Variants in CEBPZ observed in about 807,000 individuals in gnomAD.
CEBPZ encodes CCAAT enhancer binding protein zeta, also known as CCAAT/enhancer-binding protein zeta.
Under a neutral mutation model 104.5 loss-of-function variants are expected in CEBPZ, and 78 were observed. That is an observed-to-expected ratio of 0.75 (90% CI 0.62 to 0.90). CEBPZ has a LOEUF of 0.90. Ranked by LOEUF, CEBPZ falls within the 40% of genes least tolerant of loss-of-function variation. The pLI, the probability that CEBPZ is intolerant of heterozygous loss-of-function variation, is 0.00. For synonymous variants in CEBPZ, 470 were observed against 427.0 expected, an observed-to-expected ratio of 1.10 and a Z score of -1.24; for missense variants, 1,439 against 1,233.5, an observed-to-expected ratio of 1.17 and a Z score of -2.50.
At chr2:37,203,944 A>G (rs1489934757) in intron 13 of CEBPZ, 2 of 152,176 alleles carry the variant, frequency 1.3e-5, no homozygotes, top group Non-Finnish European at 2.9e-5. Context: ...GTTAATGGAC[A>G]TTTAGGTTTT....
At chr2:37,217,659 T>C (rs1664649139) in intron 5 of CEBPZ, among the ~76,000 whole-genome samples, 2 of 151,904 alleles carry the variant, frequency 1.3e-5, no homozygotes, top group Admixed American at 1.3e-4. Context: ...TCCCAGCACC[T>C]TGGGAGGCTG....
chr2:37,202,987 T>A lies in CEBPZ; in HGVS notation c.2906A>T (p.Asn969Ile). 6.4e-7 allele frequency: 1 copy of A among 1,553,578 alleles called. No homozygotes were observed. Among genetic ancestry groups the A allele is most frequent in the Non-Finnish European group, 8.7e-7 (1 of 1,153,690 alleles). The change falls in exon 14 of 16, where the codon AAC becomes ATC. Residue 969 changes from asparagine (N) to isoleucine (I), a missense_variant. Asn to Ile is a moderately radical substitution (Grantham distance 149). Transcript: ENST00000234170. ...SFQGPRKKKR[N>I]LNDSSLFVSA... is the part of the protein sequence containing the mutation. ...TACAAATAGGCTGGAATCATTTAAG[T>A]TTCTTTTCTTTTTTCTTGGCCCTAA...
chr2:37,201,687 A>C lies in CEBPZ; in HGVS notation c.*77T>G, dbSNP rs1677244418. ...AAGTCTGGAATGTATGGAATCAGAG[A>C]GCTAGATCAAAAAACATGGTTGAAC... On this transcript the variant is annotated 3_prime_UTR_variant, in exon 16 of 16. Transcript: ENST00000234170. 1.2e-6 allele frequency: 1 copy of C among 866,554 alleles called. No individual in the cohort carries two copies. The highest frequency in any genetic ancestry group is 1.9e-6 in the Non-Finnish European group (1 of 521,150). The allele number at this position is 866,554 out of a possible 1,614,324, so 53.7% of individuals were successfully genotyped here. A position where few individuals can be genotyped will look rare whatever the true frequency, so the allele number is the denominator to read the frequency against.
chr2:37,212,784 C>CGAG (rs1163486699), intron 10 of CEBPZ: 1 of 155,696 alleles, frequency 6.4e-6, no homozygotes, highest in African/African-American at 2.5e-5. Flanking sequence ...TTTGGGAGGC[C>CGAG]GAGGTGGAGT....
At position 37,228,642 on chromosome 2, in the gene CEBPZ, T is replaced by C. The variant is rs762994435; in HGVS notation, c.551A>G (p.Tyr184Cys). The change falls in exon 2 of 16, where the codon TAT becomes TGT. Residue 184 changes from tyrosine to cysteine, a missense_variant. Tyr to Cys is a radical substitution (Grantham distance 194). Transcript: ENST00000234170. ...ATATTCATTGCTGTACTCCAGATCA[T>C]ACCATTTGCCTCCAGGCCTAAGTAA... Reference protein sequence around the residue: ...TLLLRPGGKWYDLEYSNEYSL... With the variant: ...TLLLRPGGKWCDLEYSNEYSL... 2 of 1,614,208 alleles carry C rather than the reference T, an allele frequency of 1.2e-6. No homozygotes were observed. Among genetic ancestry groups the C allele is most frequent in the Non-Finnish European group, 1.7e-6 (2 of 1,180,036 alleles).
In CEBPZ at chr2:37,227,647, G is replaced by T; in HGVS notation, c.1546C>A (p.His516Asn). The stretch of plus-strand genomic sequence containing the variant: ...ACACTGGTATTAAAATTCACAATAT[G>T]CAACACTTTAAACAGTGTGTCAATC... ...EQIDTLFKVL[H>N]IVNFNTSVQA... The change falls in exon 2 of 16, where the codon CAT becomes AAT. Residue 516 changes from histidine (H) to asparagine (N), a missense_variant. His to Asn is a moderately conservative substitution (Grantham distance 68, BLOSUM62 1). Transcript: ENST00000234170. 6.2e-7 allele frequency: 1 copy of T among 1,614,178 alleles called. No individual in the cohort carries two copies. Among genetic ancestry groups the T allele is most frequent in the Non-Finnish European group, 8.5e-7 (1 of 1,180,016 alleles).
At chr2:37,207,464 A>G (rs546542997) in intron 13 of CEBPZ, among the ~76,000 whole-genome samples, 1 of 152,350 alleles carries the variant, frequency 6.6e-6, no homozygotes, top group South Asian at 2.1e-4. Context: ...CTCTCACACC[A>G]CAGTGGAATA....
rs1007342137 is a variant in CEBPZ, at chr2:37,220,934, T to C, written c.2066-461A>G. Among the ~76,000 whole-genome samples, 4 of 145,384 alleles carry C rather than the reference T, an allele frequency of 2.8e-5. No homozygotes were observed. In the South Asian group the frequency reaches 8.9e-4, roughly 32 times the overall value. Reference sequence around the variant, plus strand: ...ATCACTTGAGCCCAGGAGATGGGAGTTGCAGTGAACCAAGATCGTGCCATT... The same window carrying C: ...ATCACTTGAGCCCAGGAGATGGGAGCTGCAGTGAACCAAGATCGTGCCATT... On this transcript the variant is annotated intron_variant, in intron 4 of 15. Transcript: ENST00000234170.
At chr2:37,212,755 A>T (rs1677763429) in intron 10 of CEBPZ, 1 of 178,528 alleles carries the variant, frequency 5.6e-6, no homozygotes, top group Non-Finnish European at 1.2e-5. Context: ...GTAACATCTC[A>T]TGCTTGTAAT....
chr2:37,218,456 C>A (rs1572504126), intron 5 of CEBPZ, among the ~76,000 whole-genome samples: 2 of 152,220 alleles, frequency 1.3e-5, no homozygotes, highest in South Asian at 4.1e-4. Flanking sequence ...AGAAAATAGT[C>A]TTTCACATAG....
intron 2 of CEBPZ, among the ~76,000 whole-genome samples, chr2:37,225,102 C>G (rs1019317972): frequency 2.0e-5 from 3 of 152,120 alleles, no homozygotes; most frequent in African/African-American, 7.2e-5. Context: ...ATCCCGAAAC[C>G]TCTACATTTT....
chr2:37,210,920 G>A, intron 13 of CEBPZ, 79 bp downstream of exon 13: 2 of 942,330 alleles, frequency 2.1e-6, no homozygotes, highest in Non-Finnish European at 3.2e-6. Context: ...TCAAATTTAG[G>A]AGAGTTCATT....
At chr2:37,213,090 G>A (rs1677779423) in intron 10 of CEBPZ, among the ~76,000 whole-genome samples, 1 of 151,914 alleles carries the variant, frequency 6.6e-6, no homozygotes, top group Non-Finnish European at 1.5e-5. Flanking sequence ...AAAAAAATAT[G>A]TAACGTGAAA....
rs1572489044 is a variant in CEBPZ, at chr2:37,203,745, A to G, written c.2885-737T>C. 2.0e-5 allele frequency: 3 copies of G among 152,202 alleles called. No individual in the cohort carries two copies. The East Asian group carries it at 5.8e-4, about 29-fold the overall frequency. 9.4% of individuals were successfully genotyped at this position (152,202 alleles called of 1,614,324 possible). On this transcript the variant is annotated intron_variant, in intron 13 of 15. Coordinates refer to ENST00000234170, the MANE Select transcript of CEBPZ (RefSeq NM_005760.3). ...TAGTCCTCCAACCCATCTCCGATCT[A>G]TCTTGTTTCTATGACTTGCCTTTTC...
rs2714472 is a variant in CEBPZ at position 37,216,513 on chromosome 2, G to C, written c.2209-95C>G. On this transcript the variant is annotated intron_variant, in intron 6 of 15. Transcript: ENST00000234170. ...AGAAAAAGATAATTTCTATTACACT[G>C]TATTGAAGATACAAATATGCAATAA... The C allele has an allele frequency of 7.6e-3, 6,418 of 849,772 alleles. 288 individuals are homozygous for C. In the African/African-American group the frequency reaches 0.097, roughly 13 times the overall value. The allele number at this position is 849,772 out of a possible 1,614,324, so 52.6% of individuals were successfully genotyped here. A position where few individuals can be genotyped will look rare whatever the true frequency, so the allele number is the denominator to read the frequency against.
chr2:37,208,771 T>C (rs191988245), intron 13 of CEBPZ: 2 of 152,128 alleles, frequency 1.3e-5, no homozygotes, highest in East Asian at 3.9e-4. Flanking sequence ...CTATTCAACA[T>C]AGTACTGGAA....
At chr2:37,223,076 A>G in intron 3 of CEBPZ, 94 bp downstream of exon 3, 3 of 989,288 alleles carry the variant, frequency 3.0e-6, no homozygotes, top group Non-Finnish European at 4.6e-6. Flanking sequence ...TGCTCCAGAG[A>G]ACTAGGTTAC....
In CEBPZ at chr2:37,201,706, G is replaced by T. The variant is rs1335200453; in HGVS notation, c.*58C>A. 9.4e-7 allele frequency: 1 copy of T among 1,063,606 alleles called. No individual in the cohort carries two copies. The highest frequency in any genetic ancestry group is 1.3e-5 in the South Asian group (1 of 74,088). The allele number at this position is 1,063,606 out of a possible 1,614,324, so 65.9% of individuals were successfully genotyped here. On this transcript the variant is annotated 3_prime_UTR_variant, in exon 16 of 16. Coordinates refer to ENST00000234170, the MANE Select transcript of CEBPZ (RefSeq NM_005760.3). The stretch of plus-strand genomic sequence containing the variant: ...TCAGAGAGCTAGATCAAAAAACATG[G>T]TTGAACAGCAAAAATTAGATGTAAG...
At chr2:37,230,848 C>T (rs1243129937) in intron 1 of CEBPZ, among the ~76,000 whole-genome samples, 1 of 152,184 alleles carries the variant, frequency 6.6e-6, no homozygotes. Flanking sequence ...CAAACATTTC[C>T]GTGATGTGTT....
Sources: allele counts gnomAD v4.1 joint callset (sites outside exome capture counted in the v4.1 genomes callset), GRCh38; gene constraint gnomAD v4.1.1; transcripts MANE v1.5; gene names NCBI Gene and HGNC (gene_info 2026-07-23, HGNC 2026-07-21).